MYO9B: variants seen among roughly 807,000 people sequenced by gnomAD.
MYO9B encodes the protein unconventional myosin-IXb.
Under a neutral mutation model 229.5 loss-of-function variants are expected in MYO9B, and 71 were observed. The ratio of observed to expected loss-of-function variants is 0.31; its 90% CI spans 0.26 to 0.38. The LOEUF is 0.38. Ranked by LOEUF, MYO9B falls within the 10% of genes least tolerant of loss-of-function variation. The pLI, the probability that MYO9B is intolerant of heterozygous loss-of-function variation, is 1.00. For synonymous variants in MYO9B, 1,185 were observed against 1,235.8 expected (o/e 0.96, Z 0.86); for missense variants, 2,255 against 2,920.5 (o/e 0.77, Z 5.25).
intron 15 of MYO9B, 161 bp from the exon 16 acceptor site, chr19:17,183,668 C>T (rs550671502): frequency 3.4e-5 from 21 of 617,758 alleles, no homozygotes; most frequent in Admixed American, 1.8e-4. Flanking sequence ...CGGTGTGCAG[C>T]GTGGAGAGGT....
At chr19:17,194,153 C>A (rs1281872408) in intron 21 of MYO9B, among the ~76,000 whole-genome samples, 1 of 148,920 alleles carries the variant, frequency 6.7e-6, no homozygotes, top group Non-Finnish European at 1.5e-5. Flanking sequence ...GCCTGGACAA[C>A]AGAGCGAGAC....
chr19:17,150,981 G>A (rs2072470082), intron 3 of MYO9B, among the ~76,000 whole-genome samples: 1 of 138,432 alleles, frequency 7.2e-6, no homozygotes, highest in Non-Finnish European at 1.6e-5. Context: ...GCTTGGCACA[G>A]AGAAAATGAT....
intron 20 of MYO9B, 81 bp downstream of exon 20, chr19:17,191,300 G>T: frequency 3.5e-6 from 5 of 1,435,760 alleles, no homozygotes; most frequent in Non-Finnish European, 4.6e-6. Flanking sequence ...GGCCCCCAGG[G>T]CCACTCTCTG....
In MYO9B at chr19:17,090,921, G is replaced by A. The variant is rs185664840; in HGVS notation, c.-58-10739G>A. Among the ~76,000 whole-genome samples, 145 of 152,244 alleles carry A rather than the reference G, an allele frequency of 9.5e-4. 1 individual carries two copies. Among genetic ancestry groups the A allele is most frequent in the Non-Finnish European group, 1.4e-3 (95 of 68,004 alleles). ...CCGCCAGAACCAGGGTATTTTCCAA[G>A]GGCAGGTTTCACATCCACTTGGGGC... is the stretch of plus-strand genomic sequence containing the variant. On this transcript the variant is annotated intron_variant, in intron 1 of 39. Transcript: ENST00000682292.
chr19:17,113,117 C>T (rs1245553301), intron 2 of MYO9B, among the ~76,000 whole-genome samples: 1 of 152,214 alleles, frequency 6.6e-6, no homozygotes, highest in Admixed American at 6.5e-5. Context: ...TCCAGGAGCC[C>T]CCACTGGCTT....
At chr19:17,126,809 G>A (rs1169772441) in intron 2 of MYO9B, among the ~76,000 whole-genome samples, 1 of 150,670 alleles carries the variant, frequency 6.6e-6, no homozygotes, top group Non-Finnish European at 1.5e-5. Context: ...GACTACAGGC[G>A]CCCACCACCA....
intron 1 of MYO9B, among the ~76,000 whole-genome samples, chr19:17,081,278 C>T (rs957140712): frequency 2.6e-5 from 4 of 152,128 alleles, no homozygotes; most frequent in Admixed American, 6.6e-5. Context: ...TCAGCCCGCT[C>T]GGACTCCCAA....
intron 26 of MYO9B, 81 bp downstream of exon 26, chr19:17,200,910 C>A: frequency 6.8e-7 from 1 of 1,467,318 alleles, no homozygotes; most frequent in Non-Finnish European, 9.4e-7. Context: ...TTTTCTGAAA[C>A]ACACAACACA....
chr19:17,162,395 C>A lies in MYO9B; in HGVS notation c.1465C>A (p.Leu489Met). 1 of 1,589,386 alleles carries A rather than the reference C, an allele frequency of 6.3e-7. No homozygotes were observed. The highest frequency in any genetic ancestry group is 2.3e-5 in the East Asian group (1 of 43,522). The change falls in exon 9 of 40, where the codon CTG (leucine) becomes ATG (methionine). Residue 489 changes from leucine (L) to methionine (M), a missense_variant. Physicochemically the swap from Leu to Met is conservative, Grantham distance 15. Around this residue, in one of 7 missense-constraint regions of MYO9B, gnomAD observed 220 missense variants for 404.5 expected, o/e 0.54. Coordinates refer to ENST00000682292, the MANE Select transcript of MYO9B (RefSeq NM_004145.4). ...CATGGCCAAGTCTCTGTACAGCGCC[C>A]TGTTCGACTGGATTGTGCTGCGGAT... ...DSMAKSLYSA[L>M]FDWIVLRINH... is the part of the protein sequence containing the mutation.
chr19:17,082,219 C>T (rs946577519), intron 1 of MYO9B, among the ~76,000 whole-genome samples: 2 of 152,160 alleles, frequency 1.3e-5, no homozygotes, highest in African/African-American at 2.4e-5. Flanking sequence ...CCAGGAGTCA[C>T]GAGCATGGAA....
chr19:17,077,811 G>A (rs946303415), intron 1 of MYO9B, among the ~76,000 whole-genome samples: 4 of 152,026 alleles, frequency 2.6e-5, no homozygotes, highest in African/African-American at 7.2e-5. Context: ...TTTTCCATTC[G>A]ACAGTTTGTA....
Position 17,206,723 on chromosome 19 carries a change from C to T in MYO9B, c.5431C>T (p.Leu1811=). ...QEQLAAIYAV[L]EHLPEANHNS... is the part of the protein sequence containing the mutation. ...GCAGCTGGCTGCCATCTATGCCGTC[C>T]TGGAGCACCTTCCAGAAGCCAACCA... The change falls in exon 34 of 40, where the codon CTG becomes TTG. Residue 1811 remains leucine, a synonymous_variant. Transcript: ENST00000682292. 6.3e-7 allele frequency: 1 copy of T among 1,590,030 alleles called. No homozygotes were observed. The highest frequency in any genetic ancestry group is 8.6e-7 in the Non-Finnish European group (1 of 1,169,136).
chr19:17,142,215 C>T (rs923890570), intron 2 of MYO9B, among the ~76,000 whole-genome samples: 1 of 151,362 alleles, frequency 6.6e-6, no homozygotes, highest in East Asian at 1.9e-4. Context: ...ACACAACAGG[C>T]CATAAGTGTA....
At chr19:17,123,241 T>A (rs932847127) in intron 2 of MYO9B, among the ~76,000 whole-genome samples, 3 of 152,102 alleles carry the variant, frequency 2.0e-5, no homozygotes, top group Non-Finnish European at 4.4e-5. Flanking sequence ...CAAGCACAGG[T>A]GTACCAGGCA....
intron 14 of MYO9B, 150 bp from the exon 15 acceptor site, chr19:17,180,777 G>A: frequency 1.7e-6 from 1 of 575,858 alleles, no homozygotes; most frequent in South Asian, 2.2e-5. Flanking sequence ...GAGAGGGGCA[G>A]CATTGAGCAC....
In MYO9B at chr19:17,112,136, C is replaced by G. The variant is rs541157049; in HGVS notation, c.840+9579C>G. Among the ~76,000 whole-genome samples, 36 of 152,258 alleles carry G rather than the reference C, an allele frequency of 2.4e-4. No individual in the cohort carries two copies. The Middle Eastern group carries it at 0.017, about 72-fold the overall frequency. Reference sequence around the variant, plus strand: ...GCCAACCTCCCCCATCAGTGTCCCCCACAAGAACAATGTTGGGGAGTGGGG... The same window carrying G: ...GCCAACCTCCCCCATCAGTGTCCCCGACAAGAACAATGTTGGGGAGTGGGG... On this transcript the variant is annotated intron_variant, in intron 2 of 39. Coordinates refer to ENST00000682292, the MANE Select transcript of MYO9B (RefSeq NM_004145.4).
chr19:17,100,267 T>C, intron 1 of MYO9B, among the ~76,000 whole-genome samples: 2 of 150,698 alleles, frequency 1.3e-5, no homozygotes, highest in East Asian at 2.0e-4. Context: ...GTCAGGAGTT[T>C]GAGACCAGCC....
chr19:17,209,830 G>GAA, intron 36 of MYO9B, 121 bp downstream of exon 36: 1 of 1,247,950 alleles, frequency 8.0e-7, no homozygotes, highest in Non-Finnish European at 1.1e-6. Context: ...GGTGGGCGGG[G>GAA]CCTTGGGTGG....
chr19:17,197,718 C>T (rs1361767823), intron 22 of MYO9B, 74 bp from the exon 23 acceptor site: 7 of 1,570,144 alleles, frequency 4.5e-6, no homozygotes, highest in Non-Finnish European at 6.1e-6. Flanking sequence ...AGTGAGAACC[C>T]AAGAACCACT....
Sources: allele counts gnomAD v4.1 joint callset (sites outside exome capture counted in the v4.1 genomes callset), GRCh38; gene constraint gnomAD v4.1.1; regional missense constraint gnomAD v4.1.1; transcripts MANE v1.5; gene names NCBI Gene and HGNC (gene_info 2026-07-23, HGNC 2026-07-21).